PBX3: variants seen among roughly 807,000 people sequenced by gnomAD.
PBX3 encodes the protein pre-B-cell leukemia transcription factor 3.
In PBX3, 14 loss-of-function variants were observed where a neutral mutation model predicts 48.5. That is an observed-to-expected ratio of 0.29 (90% CI 0.19 to 0.45). The LOEUF is 0.45. Among genes scored for constraint, PBX3 ranks in the 20% least tolerant of loss-of-function variants. The pLI, the probability that PBX3 is intolerant of heterozygous loss-of-function variation, is 1.00. For missense variants in PBX3, 386 were observed against 546.7 expected (o/e 0.71, Z 2.93); for synonymous variants, 210 against 200.3 (o/e 1.05, Z -0.41).
chr9:125,914,260 A>G (rs73667296), intron 2 of PBX3, among the ~76,000 whole-genome samples: 9,064 of 152,262 alleles, frequency 0.06, 632 homozygotes, highest in East Asian at 0.17. Context: ...TTGCCTCTGA[A>G]TAGACAACAG....
At chr9:125,860,386 A>G (rs1839832408) in intron 2 of PBX3, among the ~76,000 whole-genome samples, 1 of 152,242 alleles carries the variant, frequency 6.6e-6, no homozygotes, top group Non-Finnish European at 1.5e-5. Context: ...GTTGGATATC[A>G]GTAAATGGTA....
chr9:125,880,479 A>G (rs1363338797), intron 2 of PBX3, among the ~76,000 whole-genome samples: 1 of 152,242 alleles, frequency 6.6e-6, no homozygotes, highest in African/African-American at 2.4e-5. Context: ...AATATTAATT[A>G]TCTGACTTTT....
At chr9:125,796,738 T>A (rs1837792117) in intron 2 of PBX3, among the ~76,000 whole-genome samples, 1 of 152,100 alleles carries the variant, frequency 6.6e-6, no homozygotes, top group Non-Finnish European at 1.5e-5. Flanking sequence ...TTGTATGTAA[T>A]GCTGTGGGAG....
chr9:125,953,336 C>T (rs907694772), intron 5 of PBX3, among the ~76,000 whole-genome samples: 3 of 151,942 alleles, frequency 2.0e-5, no homozygotes, highest in Admixed American at 2.0e-4. Context: ...AATTAGCCGG[C>T]CGTAGTGATG....
At chr9:125,748,873 G>C in intron 2 of PBX3, 2 of 338,014 alleles carry the variant, frequency 5.9e-6, no homozygotes. Flanking sequence ...GCCGCCCCTG[G>C]CTGCAGGCGG....
chr9:125,920,266 T>G (rs1841429499), intron 3 of PBX3, among the ~76,000 whole-genome samples: 1 of 152,238 alleles, frequency 6.6e-6, no homozygotes, highest in Non-Finnish European at 1.5e-5. Context: ...GTCTTATTGT[T>G]GATTAGCTAC....
intron 2 of PBX3, among the ~76,000 whole-genome samples, chr9:125,791,652 T>C (rs1275358456): frequency 6.6e-6 from 1 of 152,084 alleles, no homozygotes; most frequent in Non-Finnish European, 1.5e-5. Context: ...TTAAGTTTCC[T>C]AGGCCGGGCG....
At position 125,960,810 on chromosome 9, in the gene PBX3, C is replaced by T. The variant is rs769708708; in HGVS notation, c.970C>T (p.Gln324Ter). ...TGCACACGCAGTAGCAGCAGCTGTG[C>T]AGAACAACCAGACCAATTCGCCCAC... ...TAAHAVAAAV[Q>*]NNQTNSPTTP... The change falls in exon 6 of 9, where the codon CAG becomes TAG. Residue 324 changes from glutamine to a stop codon, truncating the protein, a stop_gained. Transcript: ENST00000373489. LOFTEE classifies it high-confidence loss of function. 1 of 1,614,016 alleles carries T rather than the reference C, an allele frequency of 6.2e-7. No individual in the cohort carries two copies. The highest frequency in any genetic ancestry group is 1.3e-5 in the African/African-American group (1 of 74,942).
chr9:125,819,849 A>C (rs1016373901), intron 2 of PBX3, among the ~76,000 whole-genome samples: 1 of 152,226 alleles, frequency 6.6e-6, no homozygotes, highest in African/African-American at 2.4e-5. Flanking sequence ...CAAAAGTTGA[A>C]AACAACTCTG....
chr9:125,801,106 A>G (rs527339579), intron 2 of PBX3, among the ~76,000 whole-genome samples: 1 of 152,210 alleles, frequency 6.6e-6, no homozygotes, highest in Admixed American at 6.5e-5. Flanking sequence ...CATATGCTAG[A>G]CATTCAATGA....
chr9:125,867,849 T>C (rs7043662), intron 2 of PBX3, among the ~76,000 whole-genome samples: 3,880 of 151,408 alleles, frequency 0.026, 61 homozygotes, highest in Middle Eastern at 0.051. Context: ...CACACACACA[T>C]ACATATATTT....
chr9:125,763,252 T>A (rs545375454), intron 2 of PBX3, among the ~76,000 whole-genome samples: 1 of 152,348 alleles, frequency 6.6e-6, no homozygotes, highest in Non-Finnish European at 1.5e-5. Context: ...TGTTTTTATT[T>A]CATAACCTGA....
chr9:125,780,885 G>A (rs1181364275), intron 2 of PBX3, among the ~76,000 whole-genome samples: 6 of 148,442 alleles, frequency 4.0e-5, no homozygotes, highest in Non-Finnish European at 7.4e-5. Context: ...CAGACGGGGC[G>A]GATGCTGGGC....
chr9:125,801,786 CACAT>C (rs1470076026), intron 2 of PBX3, among the ~76,000 whole-genome samples: 7 of 133,290 alleles, frequency 5.3e-5, no homozygotes, highest in Non-Finnish European at 9.6e-5. Context: ...AACATGTATA[CACAT>C]ACACACACAC....
At chr9:125,762,329 T>C (rs1836691575) in intron 2 of PBX3, among the ~76,000 whole-genome samples, 1 of 152,170 alleles carries the variant, frequency 6.6e-6, no homozygotes, top group Admixed American at 6.5e-5. Flanking sequence ...CCACCCACTA[T>C]GTGTATCTGT....
At chr9:125,960,944 CAG>C (rs879557945) in intron 6 of PBX3, 95 bp downstream of exon 6, 818,875 of 1,245,144 alleles carry the variant, frequency 0.66, 277,437 homozygotes, top group South Asian at 0.72. Flanking sequence ...ATACTGAGGA[CAG>C]AGTGGACTTA....
chr9:125,949,234 GA>G, intron 5 of PBX3: 2 of 1,059,640 alleles, frequency 1.9e-6, no homozygotes, highest in Admixed American at 2.7e-5. Context: ...TATAAAATGA[GA>G]ATAATGATAA....
At chr9:125,864,561 A>G (rs961723881) in intron 2 of PBX3, among the ~76,000 whole-genome samples, 3 of 152,206 alleles carry the variant, frequency 2.0e-5, no homozygotes, top group Non-Finnish European at 4.4e-5. Flanking sequence ...AGACGGTCCT[A>G]TCTGGGGATG....
At chr9:125,911,630 C>G (rs913540881) in intron 2 of PBX3, among the ~76,000 whole-genome samples, 4 of 152,072 alleles carry the variant, frequency 2.6e-5, no homozygotes, top group Admixed American at 6.6e-5. Context: ...ACATTTTTCT[C>G]TGAGCTAAGA....
Sources: gnomAD v4.1 joint callset for allele counts (sites outside exome capture counted in the v4.1 genomes callset) on GRCh38, gnomAD v4.1.1 for gene constraint, MANE v1.5 for transcripts, NCBI Gene and HGNC (gene_info 2026-07-23, HGNC 2026-07-21) for gene names.